CDYL2: variants seen among roughly 807,000 people sequenced by gnomAD.
CDYL2 encodes chromodomain Y like 2.
A neutral mutation model predicts 49.4 loss-of-function variants in CDYL2; 23 were observed. The ratio of observed to expected loss-of-function variants is 0.47; its 90% CI spans 0.34 to 0.66. The LOEUF (loss-of-function observed/expected upper bound fraction) is 0.66, where lower values mean the gene tolerates loss of function less well. CDYL2 is among the 30% of genes least tolerant of loss of function. The pLI is 0.01. For synonymous variants in CDYL2, 360 were observed against 268.8 expected, an observed-to-expected ratio of 1.34 and a Z score of -3.32; for missense variants, 678 against 656.4, an observed-to-expected ratio of 1.03 and a Z score of -0.36.
At chr16:80,641,781 A>C (rs1908101651) in intron 2 of CDYL2, among the ~76,000 whole-genome samples, 2 of 151,128 alleles carry the variant, frequency 1.3e-5, no homozygotes, top group Admixed American at 6.6e-5. Context: ...TAGCATTAGG[A>C]GATATACCTA....
At chr16:80,723,356 G>A (rs1418966532) in intron 1 of CDYL2, among the ~76,000 whole-genome samples, 1 of 152,188 alleles carries the variant, frequency 6.6e-6, no homozygotes, top group Non-Finnish European at 1.5e-5. Context: ...CAGCGCTGAG[G>A]AGCTGAGATG....
intron 1 of CDYL2, among the ~76,000 whole-genome samples, chr16:80,751,504 T>C (rs1188804142): frequency 6.6e-6 from 1 of 152,156 alleles, no homozygotes; most frequent in Non-Finnish European, 1.5e-5. Flanking sequence ...TTTACAGAGC[T>C]GAGAAGACAA....
intron 1 of CDYL2, among the ~76,000 whole-genome samples, chr16:80,732,006 T>C (rs1344598367): frequency 6.6e-6 from 1 of 151,842 alleles, no homozygotes; most frequent in African/African-American, 2.4e-5. Context: ...TCAGCACAGA[T>C]TGAAACAGGA....
intron 1 of CDYL2, among the ~76,000 whole-genome samples, chr16:80,685,916 A>C (rs1195914961): frequency 6.6e-6 from 1 of 152,190 alleles, no homozygotes; most frequent in African/African-American, 2.4e-5. Context: ...GAAAATGTCC[A>C]GCTCTCCCCA....
At chr16:80,663,300 T>C (rs1031257876) in intron 2 of CDYL2, among the ~76,000 whole-genome samples, 3 of 150,944 alleles carry the variant, frequency 2.0e-5, no homozygotes, top group Non-Finnish European at 4.4e-5. Flanking sequence ...AGGGGAGAGT[T>C]AAATAAAAGA....
intron 1 of CDYL2, among the ~76,000 whole-genome samples, chr16:80,766,940 TAAGA>T (rs1321915428): frequency 1.3e-5 from 2 of 152,172 alleles, no homozygotes; most frequent in African/African-American, 4.8e-5. Flanking sequence ...ACAACAGCCC[TAAGA>T]AACAGGTACT....
At chr16:80,631,162 G>C (rs1225797019) in intron 3 of CDYL2, among the ~76,000 whole-genome samples, 1 of 152,218 alleles carries the variant, frequency 6.6e-6, no homozygotes, top group Non-Finnish European at 1.5e-5. Flanking sequence ...TGAGACCCTA[G>C]CCCAGTTGGG....
intron 3 of CDYL2, among the ~76,000 whole-genome samples, chr16:80,629,002 T>C (rs1385123905): frequency 2.0e-5 from 3 of 151,846 alleles, no homozygotes; most frequent in Non-Finnish European, 4.4e-5. Context: ...TCAGAGCACA[T>C]ATAAAGGCCC....
intron 2 of CDYL2, among the ~76,000 whole-genome samples, chr16:80,640,934 T>G (rs1908057296): frequency 6.6e-6 from 1 of 152,024 alleles, no homozygotes; most frequent in Non-Finnish European, 1.5e-5. Flanking sequence ...TAAAAAACAG[T>G]GAAGCATGCC....
intron 2 of CDYL2, 103 bp from the exon 3 acceptor site, chr16:80,633,339 G>C: frequency 8.6e-7 from 1 of 1,162,848 alleles, no homozygotes; most frequent in East Asian, 2.4e-5. Context: ...GTTTGGATGT[G>C]CTGGGACACA....
chr16:80,710,824 T>C (rs1454834927), intron 1 of CDYL2, among the ~76,000 whole-genome samples: 1 of 152,240 alleles, frequency 6.6e-6, no homozygotes, highest in African/African-American at 2.4e-5. Flanking sequence ...TTGAATATGC[T>C]AATTTTCGGT....
chr16:80,725,262 T>C (rs767660730), intron 1 of CDYL2, among the ~76,000 whole-genome samples: 2 of 152,210 alleles, frequency 1.3e-5, no homozygotes, highest in Non-Finnish European at 2.9e-5. Flanking sequence ...AGTCCTAGTT[T>C]AATGTCACTT....
At chr16:80,685,228 A>C in intron 1 of CDYL2, 99 bp from the exon 2 acceptor site, 1 of 929,114 alleles carries the variant, frequency 1.1e-6, no homozygotes, top group Non-Finnish European at 1.6e-6. Flanking sequence ...GGATAGAGGC[A>C]TCTACCCTAG....
chr16:80,655,766 G>A (rs901764630), intron 2 of CDYL2, among the ~76,000 whole-genome samples: 2 of 152,194 alleles, frequency 1.3e-5, no homozygotes, highest in African/African-American at 2.4e-5. Context: ...AATTCTGGAT[G>A]CGGGTGGCTG....
intron 1 of CDYL2, among the ~76,000 whole-genome samples, chr16:80,713,041 C>A (rs1904673954): frequency 6.6e-6 from 1 of 152,162 alleles, no homozygotes; most frequent in Non-Finnish European, 1.5e-5. Flanking sequence ...CAGCTGCAGA[C>A]AAGAGGTGTT....
intron 3 of CDYL2, among the ~76,000 whole-genome samples, chr16:80,630,784 G>A (rs987975625): frequency 4.6e-5 from 7 of 152,042 alleles, no homozygotes; most frequent in Non-Finnish European, 7.4e-5. Flanking sequence ...CCACAACCCC[G>A]TAAAAGAACC....
chr16:80,672,549 G>GGAAAGGAAAGGAAAC (rs1909567462), intron 2 of CDYL2, among the ~76,000 whole-genome samples: 1 of 112,774 alleles, frequency 8.9e-6, no homozygotes, highest in Non-Finnish European at 1.8e-5. Context: ...GGAAAGGAAA[G>GGAAAGGAAAGGAAAC]GAAAGGAAAG....
chr16:80,763,539 A>G (rs1597121612), intron 1 of CDYL2, among the ~76,000 whole-genome samples: 1 of 151,922 alleles, frequency 6.6e-6, no homozygotes, highest in Admixed American at 6.6e-5. Flanking sequence ...TTGAACCCAG[A>G]AGGCAGAGGT....
chr16:80,617,517 C>T (rs1231705767), intron 4 of CDYL2, among the ~76,000 whole-genome samples: 4 of 152,198 alleles, frequency 2.6e-5, no homozygotes, highest in Admixed American at 1.3e-4. Context: ...TGGAAATCCA[C>T]AAAACGTTCT....
Sources: allele counts gnomAD v4.1 joint callset (sites outside exome capture counted in the v4.1 genomes callset), GRCh38; gene constraint gnomAD v4.1.1; transcripts MANE v1.5; gene names NCBI Gene and HGNC (gene_info 2026-07-23, HGNC 2026-07-21).